HECW2: variants seen among roughly 807,000 people sequenced by gnomAD.
HECW2 encodes HECT, C2 and WW domain containing E3 ubiquitin protein ligase 2, also known as E3 ubiquitin-protein ligase HECW2.
Under a neutral mutation model 175.2 loss-of-function variants are expected in HECW2, and 61 were observed. The ratio of observed to expected loss-of-function variants is 0.35; its 90% CI spans 0.28 to 0.43. The LOEUF is 0.43. Ranked by LOEUF, HECW2 falls within the 20% of genes least tolerant of loss-of-function variation. The pLI, the probability that HECW2 is intolerant of heterozygous loss-of-function variation, is 1.00. For missense variants in HECW2, 1,524 were observed against 2,000.5 expected (o/e 0.76, Z 4.54); for synonymous variants, 671 against 731.0 (o/e 0.92, Z 1.32).
chr2:196,418,134 C>CTT (rs531703855), intron 2 of HECW2, among the ~76,000 whole-genome samples: 14 of 145,300 alleles, frequency 9.6e-5, no homozygotes, highest in South Asian at 2.2e-4. Flanking sequence ...ATGATCACTT[C>CTT]TTTTTTTTTT....
At chr2:196,384,956 G>C (rs889177318) in intron 2 of HECW2, among the ~76,000 whole-genome samples, 1 of 151,006 alleles carries the variant, frequency 6.6e-6, no homozygotes, top group Non-Finnish European at 1.5e-5. Context: ...CTGTTCTTTC[G>C]CTCAGGCTGG....
At chr2:196,507,348 T>C (rs1180317024) in intron 1 of HECW2, among the ~76,000 whole-genome samples, 1 of 152,198 alleles carries the variant, frequency 6.6e-6, no homozygotes, top group Non-Finnish European at 1.5e-5. Flanking sequence ...GAGTGTTACA[T>C]AACATGACCA....
At chr2:196,251,285 T>C (rs907778058) in intron 19 of HECW2, among the ~76,000 whole-genome samples, 1 of 152,214 alleles carries the variant, frequency 6.6e-6, no homozygotes, top group Non-Finnish European at 1.5e-5. Context: ...GCTCTCTTTC[T>C]TTCACTTGCT....
chr2:196,363,286 G>A lies in HECW2; in HGVS notation c.293-19522C>T, dbSNP rs187509749. Among the ~76,000 whole-genome samples the A allele has an allele frequency of 2.0e-5, 3 of 152,166 alleles. No individual in the cohort carries two copies. In the East Asian group the frequency reaches 5.8e-4, roughly 29 times the overall value. On this transcript the variant is annotated intron_variant, in intron 2 of 28. Coordinates refer to ENST00000644978, the MANE Select transcript of HECW2 (RefSeq NM_001348768.2). ...AGATGCTTTAAAAATAGTATCAAAT[G>A]AGTGTCACTGTGCTCTAAGAATAAG... is the stretch of plus-strand genomic sequence containing the variant.
Position 196,433,150 on chromosome 2 carries a change from T to A in HECW2, c.274A>T (p.Ile92Phe). Residue 92 changes from isoleucine (I) to phenylalanine (F), a missense_variant, in exon 2 of 29, where the codon ATT (isoleucine) becomes TTT (phenylalanine). Ile to Phe is a conservative substitution (Grantham distance 21). This residue lies in a region of HECW2 where 135 missense variants were observed against 214.6 expected (regional missense o/e 0.63). Coordinates refer to ENST00000644978, the MANE Select transcript of HECW2 (RefSeq NM_001348768.2). The part of the protein sequence containing the change: ...IKEEVDPSDW[I>F]GLYHIDENSP... ...GACTCACCTATATGATAAAGTCCAA[T>A]CCAATCACTGGGGTCCACCTCCTCT... 6.2e-7 allele frequency: 1 copy of A among 1,612,882 alleles called. No homozygotes were observed. Among genetic ancestry groups the A allele is most frequent in the Non-Finnish European group, 8.5e-7 (1 of 1,179,084 alleles).
In HECW2 at chr2:196,329,577, G is replaced by A; in HGVS notation, c.569C>T (p.Ser190Leu). The A allele has an allele frequency of 6.2e-7, 1 of 1,612,060 alleles. No homozygotes were observed. The highest frequency in any genetic ancestry group is 8.5e-7 in the Non-Finnish European group (1 of 1,178,256). ...HSRKLVSFTL[S>L]DLRAVGLKKG... ...GTCACGTTTAAAGACATTCTTACCT[G>A]ACAATGTAAAGCTAACAAGTTTTCG... Residue 190 changes from serine (S) to leucine (L), a missense_variant and splice_region_variant, in exon 5 of 29, where the codon TCA becomes TTA. By Grantham distance (145) the Ser-to-Leu change is moderately radical (BLOSUM62 -2). Coordinates refer to ENST00000644978, the MANE Select transcript of HECW2 (RefSeq NM_001348768.2).
chr2:196,458,929 C>T (rs1696627675), intron 1 of HECW2, among the ~76,000 whole-genome samples: 1 of 152,148 alleles, frequency 6.6e-6, no homozygotes, highest in African/African-American at 2.4e-5. Flanking sequence ...GTTCACATGA[C>T]TAATTAACTA....
intron 10 of HECW2, among the ~76,000 whole-genome samples, chr2:196,312,475 T>C (rs903045378): frequency 2.6e-5 from 4 of 152,210 alleles, no homozygotes; most frequent in Non-Finnish European, 5.9e-5. Context: ...AAAAATATTT[T>C]TTTCTTATTT....
intron 1 of HECW2, among the ~76,000 whole-genome samples, chr2:196,457,562 A>G (rs1696561394): frequency 6.6e-6 from 1 of 152,240 alleles, no homozygotes; most frequent in Admixed American, 6.5e-5. Context: ...AAAATCCAGA[A>G]ATAATATAAA....
intron 19 of HECW2, among the ~76,000 whole-genome samples, chr2:196,251,427 G>A (rs1311910162): frequency 2.6e-5 from 4 of 152,122 alleles, no homozygotes; most frequent in African/African-American, 9.7e-5. Context: ...CCAGTACACT[G>A]AACTCCTTGC....
At chr2:196,341,746 A>G (rs1247301051) in intron 3 of HECW2, among the ~76,000 whole-genome samples, 1 of 152,244 alleles carries the variant, frequency 6.6e-6, no homozygotes, top group Non-Finnish European at 1.5e-5. Flanking sequence ...AGAAAACTGG[A>G]ATATGAAAAG....
intron 1 of HECW2, among the ~76,000 whole-genome samples, chr2:196,492,000 C>T (rs917927644): frequency 6.6e-6 from 1 of 151,874 alleles, no homozygotes; most frequent in African/African-American, 2.4e-5. Context: ...AAATTTTTTT[C>T]AAATAAGTAA....
At chr2:196,268,585 G>A (rs1689605551) in intron 17 of HECW2, among the ~76,000 whole-genome samples, 1 of 152,200 alleles carries the variant, frequency 6.6e-6, no homozygotes, top group Admixed American at 6.5e-5. Flanking sequence ...CCCTGTCCAG[G>A]TAGATTAGAT....
In HECW2 at chr2:196,506,587, CTCAG is replaced by C. The variant is rs148972724; in HGVS notation, c.-35-73133_-35-73130del. On this transcript the variant is annotated intron_variant, in intron 1 of 28. Transcript: ENST00000644978. ...TTTCATGGACCAAAGGTCCCCAAAC[CTCAG>C]TCATTCAGGTACCACCTTTTCAATT... is the stretch of plus-strand genomic sequence containing the variant. Among the ~76,000 whole-genome samples the C allele has an allele frequency of 4.5e-4, 68 of 152,174 alleles. 1 individual carries two copies. The East Asian group carries it at 9.3e-3, about 21-fold the overall frequency.
chr2:196,370,832 C>T (rs1237463206), intron 2 of HECW2, among the ~76,000 whole-genome samples: 1 of 152,208 alleles, frequency 6.6e-6, no homozygotes, highest in Non-Finnish European at 1.5e-5. Flanking sequence ...CAAAGTCCCA[C>T]AATCACTGCA....
rs1455628374 is a variant in HECW2 at position 196,433,441 on chromosome 2, G to T, written c.-18C>A. Reference sequence around the variant, plus strand: ...CTAGCCATCCCGTCTGCTTCTCTGGGATTGGCTGCCTACAAAGCTGCAAGA... The same window carrying T: ...CTAGCCATCCCGTCTGCTTCTCTGGTATTGGCTGCCTACAAAGCTGCAAGA... On this transcript the variant is annotated 5_prime_UTR_variant, in exon 2 of 29. Coordinates refer to ENST00000644978, the MANE Select transcript of HECW2 (RefSeq NM_001348768.2). 1 of 1,606,268 alleles carries T rather than the reference G, an allele frequency of 6.2e-7. No individual in the cohort carries two copies. Among genetic ancestry groups the T allele is most frequent in the Admixed American group, 1.7e-5 (1 of 59,182 alleles).
At chr2:196,256,230 G>C (rs1473761701) in intron 18 of HECW2, among the ~76,000 whole-genome samples, 1 of 151,986 alleles carries the variant, frequency 6.6e-6, no homozygotes. Flanking sequence ...GAAAAGCCTA[G>C]AATTTAATGA....
intron 1 of HECW2, among the ~76,000 whole-genome samples, chr2:196,579,112 T>C (rs1312841125): frequency 6.6e-6 from 1 of 152,138 alleles, no homozygotes; most frequent in Non-Finnish European, 1.5e-5. Context: ...TACTTCTGAA[T>C]TTAAGTTGAT....
At position 196,196,421 on chromosome 2, in the gene HECW2, T is replaced by C. The variant is rs1310587836; in HGVS notation, c.*4856A>G. 6.6e-6 allele frequency: 1 copy of C among 152,160 alleles called. No individual in the cohort carries two copies. The highest frequency in any genetic ancestry group is 2.4e-5 in the African/African-American group (1 of 41,430). The allele number at this position is 152,160 out of a possible 1,614,324, so 9.4% of individuals were successfully genotyped here. ...TGAAAATTAGAGTCTAAAAGTGACA[T>C]TCTCATCAAACTCACGGCAGTAAGA... On this transcript the variant is annotated 3_prime_UTR_variant, in exon 29 of 29. Transcript: ENST00000644978.
Sources: allele counts gnomAD v4.1 joint callset (sites outside exome capture counted in the v4.1 genomes callset), GRCh38; gene constraint gnomAD v4.1.1; regional missense constraint gnomAD v4.1.1; transcripts MANE v1.5; gene names NCBI Gene and HGNC (gene_info 2026-07-23, HGNC 2026-07-21).